The following DYNC2H1 variants were observed in gnomAD, a reference collection of about 807,000 sequenced individuals.
DYNC2H1 encodes dynein cytoplasmic 2 heavy chain 1.
Under a neutral mutation model 570.0 loss-of-function variants are expected in DYNC2H1, and 410 were observed. The ratio of observed to expected loss-of-function variants is 0.72; its 90% CI spans 0.66 to 0.78. DYNC2H1 has a LOEUF of 0.78. Among genes scored for constraint, DYNC2H1 ranks in the 30% least tolerant of loss-of-function variants. The pLI is 0.00. For missense variants in DYNC2H1, 4,865 were observed against 5,046.4 expected (o/e 0.96, Z 1.09); for synonymous variants, 1,688 against 1,677.6 (o/e 1.01, Z -0.15).
At chr11:103,211,128 A>G (rs1230135586) in intron 53 of DYNC2H1, among the ~76,000 whole-genome samples, 1 of 152,028 alleles carries the variant, frequency 6.6e-6, no homozygotes, top group Admixed American at 6.6e-5. Flanking sequence ...GACTTGGTGG[A>G]TATTAGGAGG....
chr11:103,439,472 T>C lies in DYNC2H1; in HGVS notation c.12456+3440T>C, dbSNP rs1486657920. 6.6e-6 allele frequency among the ~76,000 whole-genome samples: 1 copy of C among 152,118 alleles called. No individual in the cohort carries two copies. Among genetic ancestry groups the C allele is most frequent in the African/African-American group, 2.4e-5 (1 of 41,416 alleles). On this transcript the variant is annotated intron_variant, in intron 85 of 88. Coordinates refer to ENST00000375735, the MANE Select transcript of DYNC2H1 (RefSeq NM_001377.3). The surrounding 1 kb of genome is among the most constrained non-coding windows in gnomAD (Gnocchi z 4.1). ...AAATCATGATAATGTATTAAGGAAT[T>C]ATATTTTATCCTAAGGACAAAAGGT... is the stretch of plus-strand genomic sequence containing the variant.
chr11:103,311,177 C>T (rs1198605159), intron 78 of DYNC2H1, among the ~76,000 whole-genome samples: 1 of 152,070 alleles, frequency 6.6e-6, no homozygotes, highest in Non-Finnish European at 1.5e-5. Flanking sequence ...ATTAGAATAA[C>T]TTGGGCAGAA....
chr11:103,136,339 A>T (rs542888996), intron 17 of DYNC2H1, among the ~76,000 whole-genome samples: 96 of 151,914 alleles, frequency 6.3e-4, no homozygotes, highest in Middle Eastern at 3.4e-3. Context: ...CTCGTCATTT[A>T]CCATTAGGTA....
At chr11:103,265,955 A>T (rs1258225095) in intron 70 of DYNC2H1, among the ~76,000 whole-genome samples, 1 of 151,854 alleles carries the variant, frequency 6.6e-6, no homozygotes, top group Admixed American at 6.6e-5. Flanking sequence ...CTCATCTCCC[A>T]TTTCCTGGAC....
chr11:103,463,884 C>T (rs1403814245), intron 87 of DYNC2H1, among the ~76,000 whole-genome samples: 1 of 152,178 alleles, frequency 6.6e-6, no homozygotes, highest in Non-Finnish European at 1.5e-5. Flanking sequence ...AATCTCACTA[C>T]CTATCCACGA....
intron 80 of DYNC2H1, among the ~76,000 whole-genome samples, chr11:103,320,046 C>T (rs1938084892): frequency 6.6e-6 from 1 of 152,128 alleles, no homozygotes; most frequent in African/African-American, 2.4e-5. Flanking sequence ...TGGAACTATG[C>T]TAGTAATGCT....
chr11:103,253,280 A>G lies in DYNC2H1; in HGVS notation c.10043-5A>G. On this transcript the variant is annotated splice_region_variant and splice_polypyrimidine_tract_variant and intron_variant, in intron 65 of 88. Coordinates refer to ENST00000375735, the MANE Select transcript of DYNC2H1 (RefSeq NM_001377.3). The stretch of plus-strand genomic sequence containing the variant: ...ACCAACCAATTGTGTGTTTTTTTTA[A>G]ATAGGACCACGTTATGTGGTACAAA... 1 of 1,598,682 alleles carries G rather than the reference A, an allele frequency of 6.3e-7. No homozygotes were observed. Among genetic ancestry groups the G allele is most frequent in the African/African-American group, 1.3e-5 (1 of 74,184 alleles).
chr11:103,189,826 C>T lies in DYNC2H1; in HGVS notation c.7437+10C>T. The T allele has an allele frequency of 1.3e-5, 20 of 1,581,962 alleles. No individual in the cohort carries two copies. Among genetic ancestry groups the T allele is most frequent in the Non-Finnish European group, 1.7e-5 (20 of 1,167,902 alleles). On this transcript the variant is annotated intron_variant, in intron 45 of 88. Coordinates refer to ENST00000375735, the MANE Select transcript of DYNC2H1 (RefSeq NM_001377.3). This position sits in a 1 kb window ranked among gnomAD's most constrained non-coding sequence, Gnocchi z 4.3. ...ACAAGTGTATGAACAGGTAGATATG[C>T]ATCTAAATTGTAGCTTTCATGTCTA...
At chr11:103,130,709 T>TA (rs1240827246) in intron 13 of DYNC2H1, among the ~76,000 whole-genome samples, 1 of 152,190 alleles carries the variant, frequency 6.6e-6, no homozygotes, top group Non-Finnish European at 1.5e-5. Context: ...CTTTTCCCTC[T>TA]AAAGTATAGA....
chr11:103,456,011 GA>G (rs1209035744), intron 86 of DYNC2H1, among the ~76,000 whole-genome samples: 3 of 152,000 alleles, frequency 2.0e-5, no homozygotes, highest in Admixed American at 6.6e-5. Context: ...GCCTGCATTT[GA>G]GGGTCATGGT....
rs773487506 is a variant in DYNC2H1, at chr11:103,235,856, T to C, written c.9709+43T>C. The C allele has an allele frequency of 2.5e-6, 4 of 1,600,224 alleles. No homozygotes were observed. The South Asian group carries it at 3.4e-5, about 14-fold the overall frequency. On this transcript the variant is annotated intron_variant, in intron 62 of 88. Coordinates refer to ENST00000375735, the MANE Select transcript of DYNC2H1 (RefSeq NM_001377.3). ...CCTGATCTTGAGAGTTTGTATTTAG[T>C]TATTCCTGAATTTAAAATTTCAATA...
chr11:103,257,646 C>T lies in DYNC2H1; in HGVS notation c.10500C>T (p.Ser3500=), dbSNP rs1409372884. The stretch of plus-strand genomic sequence containing the variant: ...ATCTCCCCCTGGCTGAGAGTGCCAG[C>T]AAGATGTACTTCATTATTTCTGATT... The part of the protein sequence containing the change: ...DAYLPLAESA[S]KMYFIISDLS... Residue 3500 remains serine (S), a synonymous_variant, in exon 69 of 89, where the codon AGC becomes AGT. Coordinates refer to ENST00000375735, the MANE Select transcript of DYNC2H1 (RefSeq NM_001377.3). 6 of 1,612,886 alleles carry T rather than the reference C, an allele frequency of 3.7e-6. No individual in the cohort carries two copies. The South Asian group carries it at 5.5e-5, about 15-fold the overall frequency.
intron 82 of DYNC2H1, among the ~76,000 whole-genome samples, chr11:103,356,856 T>C (rs927547849): frequency 6.6e-6 from 1 of 152,142 alleles, no homozygotes; most frequent in Non-Finnish European, 1.5e-5. Context: ...ACTTTACCAA[T>C]GTAAGAACCT....
chr11:103,372,144 A>T (rs1941190517), intron 83 of DYNC2H1, among the ~76,000 whole-genome samples: 1 of 147,906 alleles, frequency 6.8e-6, no homozygotes, highest in African/African-American at 2.5e-5. Context: ...GGCTCAAGCA[A>T]TTCTCATGCT....
chr11:103,225,465 C>T (rs887049920), intron 59 of DYNC2H1, among the ~76,000 whole-genome samples: 2 of 152,094 alleles, frequency 1.3e-5, no homozygotes, highest in East Asian at 3.9e-4. Flanking sequence ...CATTCTTCTA[C>T]GTGGGGCTTT....
chr11:103,419,250 C>A (rs1288483845), intron 84 of DYNC2H1, among the ~76,000 whole-genome samples: 1 of 152,170 alleles, frequency 6.6e-6, no homozygotes, highest in Non-Finnish European at 1.5e-5. Flanking sequence ...GGAAGGGTCC[C>A]CCCTCAATGC....
At chr11:103,126,234 C>A (rs1858991276) in intron 12 of DYNC2H1, among the ~76,000 whole-genome samples, 1 of 152,160 alleles carries the variant, frequency 6.6e-6, no homozygotes, top group Non-Finnish European at 1.5e-5. Flanking sequence ...TTCTTAGCCT[C>A]TTTACTTTTG....
rs561757097 is a variant in DYNC2H1 at position 103,156,474 on chromosome 11, A to G, written c.3831A>G (p.Thr1277=). ...LDLWGVGAVF[T]LIDYEDSQSR... Reference sequence around the variant, plus strand: ...TTTGGGGAGTTGGAGCAGTGTTTACATTAATTGATTATGAAGACAGCCAAA... The same window carrying G: ...TTTGGGGAGTTGGAGCAGTGTTTACGTTAATTGATTATGAAGACAGCCAAA... The change falls in exon 26 of 89, where the codon ACA becomes ACG. Residue 1277 remains threonine, a synonymous_variant. Transcript: ENST00000375735. The G allele has an allele frequency of 2.5e-6, 4 of 1,613,818 alleles. No homozygotes were observed. The highest frequency in any genetic ancestry group is 1.6e-4 in the Middle Eastern group (1 of 6,062).
At position 103,461,995 on chromosome 11, in the gene DYNC2H1, T is replaced by A. The variant is rs1945030348; in HGVS notation, c.12648+5639T>A. 6.6e-6 allele frequency among the ~76,000 whole-genome samples: 1 copy of A among 152,192 alleles called. No individual in the cohort carries two copies. Among genetic ancestry groups the A allele is most frequent in the African/African-American group, 2.4e-5 (1 of 41,472 alleles). On this transcript the variant is annotated intron_variant, in intron 87 of 88. Coordinates refer to ENST00000375735, the MANE Select transcript of DYNC2H1 (RefSeq NM_001377.3). The surrounding 1 kb of genome is among the most constrained non-coding windows in gnomAD (Gnocchi z 4.8). ...CAAAATTAAAATTCCTTGGAATCAT[T>A]TAATATTCAGTCCAAAACAATATTG...
Sources: allele counts gnomAD v4.1 joint callset (sites outside exome capture counted in the v4.1 genomes callset), GRCh38; gene constraint gnomAD v4.1.1; non-coding constraint Gnocchi (gnomAD v3.1); transcripts MANE v1.5; gene names NCBI Gene and HGNC (gene_info 2026-07-23, HGNC 2026-07-21).